DLGAP2: variants seen among roughly 807,000 people sequenced by gnomAD.
DLGAP2 encodes the protein disks large-associated protein 2.
In DLGAP2, 26 loss-of-function variants were observed where a neutral mutation model predicts 100.3. The ratio of observed to expected loss-of-function variants is 0.26; its 90% CI spans 0.19 to 0.36. The LOEUF (loss-of-function observed/expected upper bound fraction) is 0.36, where lower values mean the gene tolerates loss of function less well. DLGAP2 is among the 10% of genes least tolerant of loss of function. The probability of loss-of-function intolerance (pLI) is 1.00; values close to 1 mark genes in which losing one functional copy is unlikely to be tolerated. For synonymous variants in DLGAP2, 886 were observed against 630.1 expected (o/e 1.41, Z -6.08); for missense variants, 1,858 against 1,453.2 (o/e 1.28, Z -4.53).
At chr8:1,173,135 C>G (rs1421273951) in intron 2 of DLGAP2, among the ~76,000 whole-genome samples, 2 of 152,192 alleles carry the variant, frequency 1.3e-5, no homozygotes, top group African/African-American at 4.8e-5. Context: ...TTGGAGTTTG[C>G]TAGAGGTCCA....
At chr8:1,252,603 C>T (rs1044351431) in intron 2 of DLGAP2, among the ~76,000 whole-genome samples, 1 of 152,282 alleles carries the variant, frequency 6.6e-6, no homozygotes, top group Non-Finnish European at 1.5e-5. Flanking sequence ...ACATCAATTG[C>T]TTGCATGAGT....
At chr8:1,606,964 C>T (rs755520751) in intron 6 of DLGAP2, among the ~76,000 whole-genome samples, 3 of 152,178 alleles carry the variant, frequency 2.0e-5, no homozygotes, top group Non-Finnish European at 2.9e-5. Flanking sequence ...GGATTACAGG[C>T]GTGAGCCACA....
intron 2 of DLGAP2, among the ~76,000 whole-genome samples, chr8:1,158,521 G>T (rs1385472672): frequency 6.6e-6 from 1 of 152,244 alleles, no homozygotes; most frequent in Non-Finnish European, 1.5e-5. Flanking sequence ...TGGTGTGTAT[G>T]TGAGTGGCTT....
intron 3 of DLGAP2, among the ~76,000 whole-genome samples, chr8:1,430,009 T>TATATATATATATATATATATAC (rs1797370130): frequency 1.6e-5 from 1 of 61,378 alleles, no homozygotes; most frequent in African/African-American, 8.8e-5. Flanking sequence ...TATATATACA[T>TATATATATATATATATATATAC]ATATATATAT....
At chr8:1,474,354 T>C (rs10093054) in intron 3 of DLGAP2, among the ~76,000 whole-genome samples, 76,820 of 152,024 alleles carry the variant, frequency 0.51, 20,115 homozygotes, top group Admixed American at 0.59. Context: ...TGTGTGCAAG[T>C]GTCTTTTTCA....
chr8:795,608 G>GGAGCAGCTGTCCAGTGA (rs1563437438), intron 1 of DLGAP2, among the ~76,000 whole-genome samples: 2 of 139,588 alleles, frequency 1.4e-5, no homozygotes, highest in African/African-American at 5.3e-5. Flanking sequence ...GGTCCGTCAT[G>GGAGCAGCTGTCCAGTGA]GAGCAGGTGT....
chr8:1,001,458 T>C (rs1268870267), intron 2 of DLGAP2, among the ~76,000 whole-genome samples: 3 of 152,216 alleles, frequency 2.0e-5, no homozygotes, highest in Non-Finnish European at 4.4e-5. Context: ...CTAGAAAATG[T>C]TTTTGTGTCC....
At chr8:1,290,311 C>A (rs1361730216) in intron 3 of DLGAP2, among the ~76,000 whole-genome samples, 1 of 152,196 alleles carries the variant, frequency 6.6e-6, no homozygotes, top group Non-Finnish European at 1.5e-5. Context: ...ATCGAGTTGT[C>A]ATTTACAACA....
At chr8:789,826 C>G (rs1821979494) in intron 1 of DLGAP2, among the ~76,000 whole-genome samples, 2 of 152,180 alleles carry the variant, frequency 1.3e-5, no homozygotes, top group East Asian at 1.9e-4. Context: ...TTCTCTCTCT[C>G]AGGTTAGTGT....
At chr8:1,192,934 G>A (rs967380084) in intron 2 of DLGAP2, among the ~76,000 whole-genome samples, 4 of 150,478 alleles carry the variant, frequency 2.7e-5, no homozygotes, top group Non-Finnish European at 4.4e-5. Flanking sequence ...TTGGTTTTTT[G>A]TCCTTGTGAT....
chr8:1,636,242 T>G (rs1043420002), intron 8 of DLGAP2, among the ~76,000 whole-genome samples: 1 of 152,218 alleles, frequency 6.6e-6, no homozygotes, highest in African/African-American at 2.4e-5. Flanking sequence ...AAAATTAGAT[T>G]ATAATGATTT....
chr8:1,575,415 G>T (rs1372487030), intron 6 of DLGAP2, among the ~76,000 whole-genome samples: 2 of 151,206 alleles, frequency 1.3e-5, no homozygotes, highest in Non-Finnish European at 2.9e-5. Context: ...GGAGAGTTGA[G>T]GGTCAAAAGA....
intron 3 of DLGAP2, among the ~76,000 whole-genome samples, chr8:1,285,635 C>A (rs182477217): frequency 6.6e-6 from 1 of 152,130 alleles, no homozygotes; most frequent in African/African-American, 2.4e-5. Flanking sequence ...GGAAAAAAAG[C>A]TTGTTATAGG....
intron 2 of DLGAP2, among the ~76,000 whole-genome samples, chr8:1,224,805 A>G (rs558156237): frequency 9.2e-5 from 14 of 152,258 alleles, no homozygotes; most frequent in Non-Finnish European, 1.8e-4. Context: ...AGGAAGATAT[A>G]CAAATGGTCA....
At chr8:1,325,008 C>A (rs1800988166) in intron 3 of DLGAP2, among the ~76,000 whole-genome samples, 1 of 152,196 alleles carries the variant, frequency 6.6e-6, no homozygotes, top group African/African-American at 2.4e-5. Flanking sequence ...CCCTGTACTT[C>A]CCCAGGCCAG....
chr8:1,598,111 G>T (rs2957082), intron 6 of DLGAP2, among the ~76,000 whole-genome samples: 36 of 152,168 alleles, frequency 2.4e-4, no homozygotes, highest in Admixed American at 9.8e-4. Context: ...CTCTACATCT[G>T]TTGAGATAAT....
intron 12 of DLGAP2, among the ~76,000 whole-genome samples, chr8:1,690,834 G>T (rs1037381982): frequency 6.6e-6 from 1 of 151,384 alleles, no homozygotes; most frequent in African/African-American, 2.4e-5. Flanking sequence ...ACTCAGAAAT[G>T]TAGCGTTAGC....
intron 1 of DLGAP2, among the ~76,000 whole-genome samples, chr8:875,671 G>A (rs1459936323): frequency 6.6e-6 from 1 of 152,160 alleles, no homozygotes; most frequent in Non-Finnish European, 1.5e-5. Flanking sequence ...GTGTGAGAAT[G>A]AACTAATATA....
chr8:1,047,816 C>T (rs1031393893), intron 2 of DLGAP2, among the ~76,000 whole-genome samples: 8 of 152,114 alleles, frequency 5.3e-5, no homozygotes, highest in African/African-American at 1.9e-4. Flanking sequence ...CTTGGAGGTT[C>T]GGTTTCATCA....
Sources: gnomAD v4.1 joint callset for allele counts (sites outside exome capture counted in the v4.1 genomes callset) on GRCh38, gnomAD v4.1.1 for gene constraint, MANE v1.5 for transcripts, NCBI Gene and HGNC (gene_info 2026-07-23, HGNC 2026-07-21) for gene names.